Variants in PLP1 observed in about 807,000 individuals in gnomAD.
PLP1 encodes myelin proteolipid protein.
A neutral mutation model predicts 18.5 loss-of-function variants in PLP1; 2 were observed. That is an observed-to-expected ratio of 0.11 (90% CI 0.04 to 0.34). The LOEUF (loss-of-function observed/expected upper bound fraction) is 0.34, where lower values mean the gene tolerates loss of function less well. Ranked by LOEUF, PLP1 falls within the 10% of genes least tolerant of loss-of-function variation. The probability of loss-of-function intolerance (pLI) is 1.00; values close to 1 mark genes in which losing one functional copy is unlikely to be tolerated. For missense variants in PLP1, 105 were observed against 207.3 expected (o/e 0.51, Z 3.03); for synonymous variants, 86 against 83.2 (o/e 1.03, Z -0.19).
chrX:103,782,348 T>C (rs2079745719), intron 1 of PLP1, among the ~76,000 whole-genome samples: 1 of 112,123 alleles, frequency 8.9e-6, no homozygotes, highest in Non-Finnish European at 1.9e-5. Flanking sequence ...CTTTGAGCTG[T>C]AGTGGAGCAG....
rs754455683 is a variant in PLP1, at chrX:103,786,217, T to C, written c.192-248T>C. On this transcript the variant is annotated intron_variant, in intron 2 of 6. Transcript: ENST00000621218. ...TGGGGCAGGGAGAGTAGGTCCCTGG[T>C]TCTCCAGGTCCCAGGGTAAGCAAGG... is the stretch of plus-strand genomic sequence containing the variant. The C allele has an allele frequency of 6.1e-6, 7 of 1,139,554 alleles. No individual in the cohort carries two copies. The South Asian group carries it at 1.3e-4, about 22-fold the overall frequency. 93.9% of individuals were successfully genotyped at this position (1,139,554 alleles called of 1,213,427 possible).
In PLP1 at chrX:103,790,633, G is replaced by C. The variant is rs1228408668; in HGVS notation, c.*35G>C. The C allele has an allele frequency of 1.9e-6, 2 of 1,026,667 alleles. No homozygotes were observed. Among genetic ancestry groups the C allele is most frequent in the Non-Finnish European group, 2.8e-6 (2 of 726,713 alleles). 84.6% of individuals were successfully genotyped at this position (1,026,667 alleles called of 1,213,427 possible). Reference sequence around the variant, plus strand: ...GAAATCCCCCTTTCTCTAATAGCGAGGCTCTAACCACACAGCCTACAATGC... The same window carrying C: ...GAAATCCCCCTTTCTCTAATAGCGACGCTCTAACCACACAGCCTACAATGC... On this transcript the variant is annotated 3_prime_UTR_variant, in exon 7 of 7. Transcript: ENST00000621218.
chrX:103,777,814 C>G (rs2074422657), intron 1 of PLP1, among the ~76,000 whole-genome samples: 1 of 112,496 alleles, frequency 8.9e-6, no homozygotes, highest in South Asian at 3.7e-4. Flanking sequence ...GCACAAGGGT[C>G]TTTGTCCCTA....
At chrX:103,787,056 T>A (rs1263723904) in intron 3 of PLP1, 2 of 282,625 alleles carry the variant, frequency 7.1e-6, no homozygotes, top group South Asian at 7.3e-5. Flanking sequence ...TGGATCTAAC[T>A]GGACAAGAGT....
At chrX:103,788,015 C>T (rs1367966474) in intron 4 of PLP1, 49 bp downstream of exon 4, 1 of 1,022,402 alleles carries the variant, frequency 9.8e-7, no homozygotes, top group East Asian at 3.0e-5. Context: ...TATGGAAGCA[C>T]TATATATTTG....
At position 103,790,603 on chromosome X, in the gene PLP1, C is replaced by A. The variant is rs766855339; in HGVS notation, c.*5C>A. On this transcript the variant is annotated 3_prime_UTR_variant, in exon 7 of 7. Transcript: ENST00000621218. ...GGCCGAGGCACCAAGTTCTGATCCC[C>A]CGTAGAAATCCCCCTTTCTCTAATA... is the stretch of plus-strand genomic sequence containing the variant. The A allele has an allele frequency of 3.4e-6, 4 of 1,175,815 alleles. No homozygotes were observed. The highest frequency in any genetic ancestry group is 4.6e-6 in the Non-Finnish European group (4 of 862,897).
intron 1 of PLP1, among the ~76,000 whole-genome samples, chrX:103,785,311 A>G (rs961129135): frequency 3.3e-4 from 37 of 112,455 alleles, no homozygotes; most frequent in African/African-American, 1.1e-3. Flanking sequence ...TCCTGACCTC[A>G]TGTGATCCAC....
chrX:103,778,499 T>C (rs1189080281), intron 1 of PLP1, among the ~76,000 whole-genome samples: 1 of 111,078 alleles, frequency 9.0e-6, no homozygotes, highest in Non-Finnish European at 1.9e-5. Flanking sequence ...AGGTTGTGCA[T>C]TAAAAACAGA....
At chrX:103,786,149 C>T (rs1462620143) in intron 2 of PLP1, 1 of 1,104,612 alleles carries the variant, frequency 9.1e-7, no homozygotes, top group Admixed American at 2.7e-5. Flanking sequence ...CACCTTTCTT[C>T]TTGTCTAGCT....
Position 103,776,908 on chromosome X carries a change from G to A in PLP1, c.-88G>A. 1 of 882,147 alleles carries A rather than the reference G, an allele frequency of 1.1e-6. No individual in the cohort carries two copies. The highest frequency in any genetic ancestry group is 2.2e-5 in the Admixed American group (1 of 44,983). 72.7% of individuals were successfully genotyped at this position (882,147 alleles called of 1,213,427 possible). On this transcript the variant is annotated 5_prime_UTR_variant, in exon 1 of 7. Transcript: ENST00000621218. ...AAGTAAAAGACCGAAGAAGGAGGCTGGAGAGACCAGGATCCTTCCAGCTGA... is the reference window on the plus strand; with the variant it reads ...AAGTAAAAGACCGAAGAAGGAGGCTAGAGAGACCAGGATCCTTCCAGCTGA...
intron 1 of PLP1, among the ~76,000 whole-genome samples, chrX:103,785,367 G>A (rs1021456838): frequency 3.6e-5 from 4 of 112,530 alleles, no homozygotes; most frequent in East Asian, 5.6e-4. Flanking sequence ...ATGAGCCACC[G>A]TGCCCGGCCA....
chrX:103,787,990 G>C (rs1267283429), intron 4 of PLP1, 24 bp downstream of exon 4: 1 of 1,154,085 alleles, frequency 8.7e-7, no homozygotes, highest in African/African-American at 1.8e-5. Flanking sequence ...CGGGTGCTTT[G>C]GCTCTCCTAC....
chrX:103,780,435 CTCTCTGTG>C (rs1432261004), intron 1 of PLP1, among the ~76,000 whole-genome samples: 2 of 68,341 alleles, frequency 2.9e-5, no homozygotes, highest in Admixed American at 1.6e-4. Flanking sequence ...CATTCTGTCT[CTCTCTGTG>C]TGTGTGTGTG....
chrX:103,777,617 T>C (rs1021066580), intron 1 of PLP1, among the ~76,000 whole-genome samples: 3 of 111,996 alleles, frequency 2.7e-5, no homozygotes, highest in Admixed American at 9.5e-5. Context: ...CATATAGGGT[T>C]GATCATTTCT....
intron 1 of PLP1, among the ~76,000 whole-genome samples, chrX:103,781,684 A>G (rs2074455359): frequency 8.9e-6 from 1 of 112,454 alleles, no homozygotes; most frequent in Admixed American, 9.4e-5. Context: ...ACAGAAATGA[A>G]AGAAAAACAC....
At chrX:103,783,228 G>T (rs1159411551) in intron 1 of PLP1, among the ~76,000 whole-genome samples, 1 of 112,200 alleles carries the variant, frequency 8.9e-6, no homozygotes, top group African/African-American at 3.2e-5. Context: ...ACACATGCAT[G>T]CATGTGCGTG....
intron 1 of PLP1, among the ~76,000 whole-genome samples, chrX:103,783,633 G>A (rs2074471788): frequency 8.9e-6 from 1 of 111,898 alleles, no homozygotes; most frequent in Non-Finnish European, 1.9e-5. Context: ...TCACACTGAT[G>A]CAATTCAGCC....
chrX:103,788,760 T>C, intron 5 of PLP1: 1 of 401,492 alleles, frequency 2.5e-6, no homozygotes, highest in East Asian at 4.3e-5. Flanking sequence ...AGTTTGTAGC[T>C]TTAGGTAAAG....
At chrX:103,786,775 T>C (rs1329417763) in intron 3 of PLP1, 49 bp downstream of exon 3, 1 of 1,174,975 alleles carries the variant, frequency 8.5e-7, no homozygotes, top group Admixed American at 2.2e-5. Context: ...GGGGGAAAAT[T>C]GGGCGCGAGT....
Sources: gnomAD v4.1 joint callset for allele counts (sites outside exome capture counted in the v4.1 genomes callset) on GRCh38, gnomAD v4.1.1 for gene constraint, MANE v1.5 for transcripts, NCBI Gene and HGNC (gene_info 2026-07-23, HGNC 2026-07-21) for gene names.